The following DNAJC24 variants were observed in gnomAD, a reference collection of about 807,000 sequenced individuals.
DNAJC24 encodes dnaJ homolog subfamily C member 24.
Under a neutral mutation model 18.0 loss-of-function variants are expected in DNAJC24, and 17 were observed. The observed-to-expected ratio is 0.94, with a 90% CI of 0.65 to 1.42. The LOEUF (loss-of-function observed/expected upper bound fraction) is 1.42, where lower values mean the gene tolerates loss of function less well. Ranked by LOEUF, DNAJC24 falls within the 40% of genes most tolerant of loss-of-function variation. DNAJC24 has a pLI of 0.00. For missense variants in DNAJC24, 158 were observed against 175.6 expected, an observed-to-expected ratio of 0.90 and a Z score of 0.57; for synonymous variants, 55 against 57.7, an observed-to-expected ratio of 0.95 and a Z score of 0.21.
chr11:31,423,476 G>T (rs1021086757), intron 3 of DNAJC24, among the ~76,000 whole-genome samples: 1 of 152,098 alleles, frequency 6.6e-6, no homozygotes, highest in Admixed American at 6.5e-5. Flanking sequence ...GGTCAGGCTG[G>T]TCTCGAACTC....
At chr11:31,388,163 G>A (rs1952449328) in intron 2 of DNAJC24, among the ~76,000 whole-genome samples, 1 of 152,132 alleles carries the variant, frequency 6.6e-6, no homozygotes, top group Non-Finnish European at 1.5e-5. Flanking sequence ...TAAACTTAAA[G>A]TGGAGGTAGA....
chr11:31,393,051 T>G (rs1952513249), intron 2 of DNAJC24, among the ~76,000 whole-genome samples: 1 of 152,190 alleles, frequency 6.6e-6, no homozygotes, highest in African/African-American at 2.4e-5. Flanking sequence ...CAATAAATCT[T>G]TGTTGTTTAA....
chr11:31,428,633 A>C (rs1215637028), intron 4 of DNAJC24, among the ~76,000 whole-genome samples: 1 of 152,172 alleles, frequency 6.6e-6, no homozygotes, highest in Non-Finnish European at 1.5e-5. Flanking sequence ...ATCAAAGGGC[A>C]GTATGAAATG....
intron 2 of DNAJC24, among the ~76,000 whole-genome samples, chr11:31,382,930 C>T (rs961283030): frequency 6.6e-6 from 1 of 152,138 alleles, no homozygotes; most frequent in Admixed American, 6.5e-5. Context: ...CCCATGTTTC[C>T]TTCTTTGTTC....
chr11:31,405,165 A>T (rs1952644579), intron 2 of DNAJC24, among the ~76,000 whole-genome samples: 1 of 148,780 alleles, frequency 6.7e-6, no homozygotes, highest in South Asian at 2.1e-4. Context: ...CGCTTCCCAG[A>T]TTCCAGCGAT....
chr11:31,410,614 G>A (rs745432952), intron 2 of DNAJC24, among the ~76,000 whole-genome samples: 43 of 152,228 alleles, frequency 2.8e-4, no homozygotes, highest in Non-Finnish European at 5.4e-4. Flanking sequence ...CCTACCCTAA[G>A]AGGCAAAGAT....
At chr11:31,404,258 A>G (rs1449068048) in intron 2 of DNAJC24, among the ~76,000 whole-genome samples, 7 of 152,178 alleles carry the variant, frequency 4.6e-5, no homozygotes, top group Non-Finnish European at 1.5e-5. Flanking sequence ...AATGCAGCCC[A>G]GTAGGTCTTA....
At chr11:31,372,940 AC>A (rs755962632) in intron 2 of DNAJC24, among the ~76,000 whole-genome samples, 2 of 135,104 alleles carry the variant, frequency 1.5e-5, no homozygotes, top group South Asian at 5.0e-4. Flanking sequence ...GGACTACTCT[AC>A]AGTGTCTGGT....
At chr11:31,376,943 A>T (rs534305171) in intron 2 of DNAJC24, among the ~76,000 whole-genome samples, 1 of 152,150 alleles carries the variant, frequency 6.6e-6, no homozygotes, top group Non-Finnish European at 1.5e-5. Context: ...GGAGAAAATT[A>T]TAAGGGAAAA....
chr11:31,374,757 T>C lies in DNAJC24; in HGVS notation c.111+3898T>C, dbSNP rs1474400486. Among the ~76,000 whole-genome samples, 2 of 134,190 alleles carry C rather than the reference T, an allele frequency of 1.5e-5. 1 individual carries two copies. The highest frequency in any genetic ancestry group is 3.4e-5 in the Non-Finnish European group (2 of 58,078). 88.0% of individuals were successfully genotyped at this position (134,190 alleles called of 152,430 possible). On this transcript the variant is annotated intron_variant, in intron 2 of 4. Coordinates refer to ENST00000465995, the MANE Select transcript of DNAJC24 (RefSeq NM_181706.5). ...TACTTAATGCCTTCCGTTCCTCAAT[T>C]TCTCCTGCCTCTGTGTGAATGAACT... is the stretch of plus-strand genomic sequence containing the variant.
In DNAJC24 at chr11:31,405,657, G is replaced by C. The variant is rs536683248; in HGVS notation, c.112-9154G>C. 9.2e-5 allele frequency among the ~76,000 whole-genome samples: 14 copies of C among 152,046 alleles called. No homozygotes were observed. The South Asian group carries it at 2.9e-3, about 32-fold the overall frequency. ...AATTTGTTGTAGAGATGAGTTCTGTGTTGCCCAGGCTGGTCTCAAACTCCT... is the reference window on the plus strand; with the variant it reads ...AATTTGTTGTAGAGATGAGTTCTGTCTTGCCCAGGCTGGTCTCAAACTCCT... On this transcript the variant is annotated intron_variant, in intron 2 of 4. Coordinates refer to ENST00000465995, the MANE Select transcript of DNAJC24 (RefSeq NM_181706.5).
chr11:31,378,596 T>G (rs1338127204), intron 2 of DNAJC24, among the ~76,000 whole-genome samples: 1 of 151,962 alleles, frequency 6.6e-6, no homozygotes, highest in African/African-American at 2.4e-5. Flanking sequence ...ATGACACACT[T>G]TACATATACT....
intron 2 of DNAJC24, among the ~76,000 whole-genome samples, chr11:31,405,819 T>A (rs1952652107): frequency 6.6e-6 from 1 of 152,180 alleles, no homozygotes; most frequent in Non-Finnish European, 1.5e-5. Context: ...GGAAGTCCAA[T>A]ATTAAATGGC....
chr11:31,381,416 G>A (rs1952375591), intron 2 of DNAJC24, among the ~76,000 whole-genome samples: 1 of 152,078 alleles, frequency 6.6e-6, no homozygotes, highest in Non-Finnish European at 1.5e-5. Context: ...GTAATGGACT[G>A]TAAAGTCTCT....
chr11:31,378,662 T>G (rs1952344266), intron 2 of DNAJC24, among the ~76,000 whole-genome samples: 1 of 152,186 alleles, frequency 6.6e-6, no homozygotes, highest in East Asian at 1.9e-4. Context: ...GTGGTTTTTT[T>G]TTTAATATTC....
chr11:31,380,472 A>G (rs1019869318), intron 2 of DNAJC24, among the ~76,000 whole-genome samples: 8 of 152,224 alleles, frequency 5.3e-5, no homozygotes, highest in Non-Finnish European at 8.8e-5. Flanking sequence ...CAGTTACGCC[A>G]AAATACAAAG....
chr11:31,415,150 G>A, intron 3 of DNAJC24: 1 of 481,444 alleles, frequency 2.1e-6, no homozygotes. Context: ...AAAACTACTA[G>A]GATGTGGCTT....
chr11:31,429,302 T>C (rs1000072464), intron 4 of DNAJC24, among the ~76,000 whole-genome samples: 1 of 151,896 alleles, frequency 6.6e-6, no homozygotes, highest in Non-Finnish European at 1.5e-5. Context: ...AGAGAGCAGG[T>C]ACAAGGCAGT....
rs60634436 is a variant in DNAJC24, at chr11:31,380,610, A to T, written c.111+9751A>T. Among the ~76,000 whole-genome samples the T allele has an allele frequency of 0.018, 2,796 of 152,184 alleles. 235 individuals are homozygous for T. In the East Asian group the frequency reaches 0.27, roughly 15 times the overall value. ...CTTTTATTTTTATAAAATAACTCGA[A>T]CTTTATTATGTTTCTTATTAGGATG... On this transcript the variant is annotated intron_variant, in intron 2 of 4. Transcript: ENST00000465995.
Sources: allele counts gnomAD v4.1 joint callset (sites outside exome capture counted in the v4.1 genomes callset), GRCh38; gene constraint gnomAD v4.1.1; transcripts MANE v1.5; gene names NCBI Gene and HGNC (gene_info 2026-07-23, HGNC 2026-07-21).